Variants in DNAJC15 observed in about 807,000 individuals in gnomAD.
DNAJC15 encodes the protein dnaJ homolog subfamily C member 15.
DNAJC15 carries 27 observed loss-of-function variants against 22.4 expected under a neutral mutation model. That is an observed-to-expected ratio of 1.20 (90% CI 0.89 to 1.66). The LOEUF (loss-of-function observed/expected upper bound fraction) is 1.66. DNAJC15 is among the 40% of genes most tolerant of loss of function. The pLI is 0.00. For missense variants in DNAJC15, 208 were observed against 187.1 expected (o/e 1.11, Z -0.65); for synonymous variants, 79 against 63.2 (o/e 1.25, Z -1.19).
intron 1 of DNAJC15, among the ~76,000 whole-genome samples, chr13:43,048,788 A>AT (rs1269671116): frequency 6.6e-6 from 1 of 152,334 alleles, no homozygotes; most frequent in African/African-American, 2.4e-5. Context: ...AGCTTGTTCT[A>AT]TAAGTAGAAG....
intron 1 of DNAJC15, among the ~76,000 whole-genome samples, chr13:43,054,381 T>C (rs1007002686): frequency 6.6e-6 from 1 of 152,204 alleles, no homozygotes; most frequent in Non-Finnish European, 1.5e-5. Context: ...TGTTGTTATG[T>C]CATTTCCTGG....
chr13:43,032,933 G>A (rs1160529234), intron 1 of DNAJC15, among the ~76,000 whole-genome samples: 1 of 152,214 alleles, frequency 6.6e-6, no homozygotes, highest in East Asian at 1.9e-4. Context: ...TCTGCTCAGT[G>A]TCTGGAGAGA....
At chr13:43,039,687 A>G (rs1396394274) in intron 1 of DNAJC15, among the ~76,000 whole-genome samples, 1 of 152,238 alleles carries the variant, frequency 6.6e-6, no homozygotes, top group African/African-American at 2.4e-5. Flanking sequence ...TTCAAATGTT[A>G]GAAAACAAAA....
intron 1 of DNAJC15, among the ~76,000 whole-genome samples, chr13:43,059,148 G>A (rs747823909): frequency 1.4e-4 from 20 of 147,048 alleles, no homozygotes; most frequent in South Asian, 2.1e-4. Context: ...CCTCTCCACC[G>A]TTTTTTTCTT....
intron 2 of DNAJC15, 84 bp downstream of exon 2, chr13:43,065,821 T>C: frequency 8.0e-7 from 1 of 1,254,654 alleles, no homozygotes; most frequent in Non-Finnish European, 1.1e-6. Context: ...AGACCCTTAG[T>C]ATTCTGAGGT....
chr13:43,078,515 A>C, intron 3 of DNAJC15, 97 bp from the exon 4 acceptor site: 2 of 884,072 alleles, frequency 2.3e-6, no homozygotes, highest in Non-Finnish European at 3.4e-6. Flanking sequence ...GACTTCTAGT[A>C]AAATGCATTA....
chr13:43,090,151 GGGCCCC>G (rs1361571292), intron 5 of DNAJC15, among the ~76,000 whole-genome samples: 1 of 152,202 alleles, frequency 6.6e-6, no homozygotes, highest in African/African-American at 2.4e-5. Flanking sequence ...GAGGTTCAGA[GGGCCCC>G]CTTAACAGCA....
At chr13:43,038,246 G>A (rs2040437488) in intron 1 of DNAJC15, among the ~76,000 whole-genome samples, 1 of 152,166 alleles carries the variant, frequency 6.6e-6, no homozygotes, top group Non-Finnish European at 1.5e-5. Flanking sequence ...AAGACACATT[G>A]TCCCAATTTG....
intron 1 of DNAJC15, among the ~76,000 whole-genome samples, chr13:43,055,253 C>G (rs1251291966): frequency 6.6e-6 from 1 of 150,940 alleles, no homozygotes; most frequent in Non-Finnish European, 1.5e-5. Context: ...AAAAAAAAAA[C>G]TCTGCTCTAT....
At chr13:43,074,765 T>C (rs1440130800) in intron 3 of DNAJC15, among the ~76,000 whole-genome samples, 1 of 152,198 alleles carries the variant, frequency 6.6e-6, no homozygotes, top group Non-Finnish European at 1.5e-5. Context: ...TTTCTAGAAG[T>C]TTAGGAAGCA....
intron 5 of DNAJC15, among the ~76,000 whole-genome samples, chr13:43,094,923 C>T (rs1366195665): frequency 3.3e-5 from 5 of 152,072 alleles, no homozygotes; most frequent in Non-Finnish European, 4.4e-5. Context: ...AAATTTCCTC[C>T]CCTTCCGGAA....
chr13:43,032,758 G>C lies in DNAJC15; in HGVS notation c.108+9024G>C, dbSNP rs528514413. Among the ~76,000 whole-genome samples, 3 of 152,252 alleles carry C rather than the reference G, an allele frequency of 2.0e-5. No homozygotes were observed. In the East Asian group the frequency reaches 5.8e-4, roughly 29 times the overall value. ...GAGAATACCTTGAACCCGGGAGGTG[G>C]AGGCTACAGTGAACCCAGATCACAC... On this transcript the variant is annotated intron_variant, in intron 1 of 5. Transcript: ENST00000379221.
At chr13:43,046,694 GCT>G (rs895693425) in intron 1 of DNAJC15, among the ~76,000 whole-genome samples, 1 of 152,276 alleles carries the variant, frequency 6.6e-6, no homozygotes, top group Admixed American at 6.5e-5. Context: ...TTGTACGGGA[GCT>G]CTGTTTTCAT....
chr13:43,028,491 C>T (rs2040390501), intron 1 of DNAJC15, among the ~76,000 whole-genome samples: 1 of 152,190 alleles, frequency 6.6e-6, no homozygotes, highest in African/African-American at 2.4e-5. Context: ...CCTTTCTAAA[C>T]TTCACACTGC....
At chr13:43,044,417 T>C (rs2040467129) in intron 1 of DNAJC15, among the ~76,000 whole-genome samples, 1 of 152,204 alleles carries the variant, frequency 6.6e-6, no homozygotes, top group South Asian at 2.1e-4. Flanking sequence ...TCACGGCATA[T>C]TGTTAGAAAG....
At chr13:43,059,146 C>G (rs1242866054) in intron 1 of DNAJC15, among the ~76,000 whole-genome samples, 1 of 147,866 alleles carries the variant, frequency 6.8e-6, no homozygotes, top group Non-Finnish European at 1.5e-5. Flanking sequence ...TTCCTCTCCA[C>G]CGTTTTTTTC....
At chr13:43,051,687 G>A (rs1031404136) in intron 1 of DNAJC15, among the ~76,000 whole-genome samples, 11 of 150,632 alleles carry the variant, frequency 7.3e-5, no homozygotes, top group African/African-American at 2.7e-4. Flanking sequence ...TTCTTTATCC[G>A]CTCTTTGATG....
At chr13:43,032,359 GATA>G (rs1471049936) in intron 1 of DNAJC15, among the ~76,000 whole-genome samples, 2 of 152,164 alleles carry the variant, frequency 1.3e-5, no homozygotes, top group African/African-American at 4.8e-5. Flanking sequence ...GAATTCCACT[GATA>G]ATAAGAAATT....
chr13:43,085,842 G>A lies in DNAJC15; in HGVS notation c.382+4G>A. On this transcript the variant is annotated splice_donor_region_variant and intron_variant, in intron 5 of 5. Coordinates refer to ENST00000379221, the MANE Select transcript of DNAJC15 (RefSeq NM_013238.3). The stretch of plus-strand genomic sequence containing the variant: ...ATTTTGAATCACCCAGATAAAGGTA[G>A]GTAGAATTCCTATTTTTCATAATAT... 6.2e-7 allele frequency: 1 copy of A among 1,611,510 alleles called. No homozygotes were observed. The highest frequency in any genetic ancestry group is 1.1e-5 in the South Asian group (1 of 90,626).
Sources: allele counts gnomAD v4.1 joint callset (sites outside exome capture counted in the v4.1 genomes callset), GRCh38; gene constraint gnomAD v4.1.1; transcripts MANE v1.5; gene names NCBI Gene and HGNC (gene_info 2026-07-23, HGNC 2026-07-21).